Variants in FSIP1 observed in about 807,000 individuals in gnomAD.
The protein encoded by FSIP1 is fibrous sheath interacting protein 1, also known as fibrous sheath-interacting protein 1.
A neutral mutation model predicts 60.9 loss-of-function variants in FSIP1; 65 were observed. The observed-to-expected ratio is 1.07, with a 90% CI of 0.87 to 1.31. The LOEUF is 1.31. FSIP1 is among the 40% of genes most tolerant of loss of function. The pLI, the probability that FSIP1 is intolerant of heterozygous loss-of-function variation, is 0.00. For missense variants in FSIP1, 675 were observed against 665.5 expected, an observed-to-expected ratio of 1.01 and a Z score of -0.16; for synonymous variants, 209 against 221.2, an observed-to-expected ratio of 0.94 and a Z score of 0.49.
chr15:39,763,782 A>T, intron 5 of FSIP1, 39 bp downstream of exon 5: 1 of 1,009,938 alleles, frequency 9.9e-7, no homozygotes, highest in Non-Finnish European at 1.6e-6. Flanking sequence ...TCCATGACTC[A>T]GATAAAAACA....
At chr15:39,752,075 T>C (rs1431263543) in intron 5 of FSIP1, among the ~76,000 whole-genome samples, 1 of 152,034 alleles carries the variant, frequency 6.6e-6, no homozygotes, top group East Asian at 1.9e-4. Flanking sequence ...AAAGTCATCA[T>C]CATTTTCTAA....
intron 9 of FSIP1, among the ~76,000 whole-genome samples, chr15:39,720,505 A>C (rs1022010174): frequency 7.9e-5 from 12 of 152,198 alleles, no homozygotes; most frequent in African/African-American, 2.7e-4. Context: ...AACCAGAAAA[A>C]AAATCTAACG....
chr15:39,668,228 G>C, intron 10 of FSIP1, among the ~76,000 whole-genome samples: 1 of 146,976 alleles, frequency 6.8e-6, no homozygotes, highest in Non-Finnish European at 1.5e-5. Context: ...AACCTGGCCC[G>C]TAATAAGCAT....
chr15:39,698,219 T>C (rs560005288), intron 10 of FSIP1, among the ~76,000 whole-genome samples: 1 of 149,578 alleles, frequency 6.7e-6, no homozygotes, highest in South Asian at 2.1e-4. Context: ...CAATTAATAA[T>C]GTTTATATTA....
intron 9 of FSIP1, 60 bp downstream of exon 9, chr15:39,726,529 A>C (rs1056346425): frequency 6.3e-7 from 1 of 1,576,242 alleles, no homozygotes; most frequent in Non-Finnish European, 8.7e-7. Flanking sequence ...CCAGATTGTA[A>C]AATTATGTGA....
At chr15:39,704,897 A>G (rs926032093) in intron 10 of FSIP1, among the ~76,000 whole-genome samples, 3 of 152,242 alleles carry the variant, frequency 2.0e-5, no homozygotes, top group African/African-American at 7.2e-5. Context: ...CAGGGCTTAG[A>G]GTGCTAAACA....
chr15:39,737,704 T>C (rs536461237), intron 8 of FSIP1, among the ~76,000 whole-genome samples: 369 of 152,326 alleles, frequency 2.4e-3, no homozygotes, highest in Admixed American at 5.6e-3. Context: ...CAGAGGTACA[T>C]GTGCAGGTTT....
intron 8 of FSIP1, among the ~76,000 whole-genome samples, chr15:39,733,150 C>G (rs1896473781): frequency 6.6e-6 from 1 of 152,146 alleles, no homozygotes; most frequent in African/African-American, 2.4e-5. Context: ...CCTGCCTCAG[C>G]CTGCCAAGTA....
chr15:39,650,873 C>T (rs1204722612), intron 10 of FSIP1, among the ~76,000 whole-genome samples: 1 of 152,182 alleles, frequency 6.6e-6, no homozygotes, highest in Non-Finnish European at 1.5e-5. Flanking sequence ...GATTTTCCTC[C>T]TTCGAATAAA....
intron 10 of FSIP1, among the ~76,000 whole-genome samples, chr15:39,711,676 CT>C (rs66840718): frequency 8.5e-4 from 73 of 85,740 alleles, no homozygotes; most frequent in East Asian, 6.2e-3. Context: ...ATTCCTACTT[CT>C]TTTTTTTTTT....
chr15:39,760,144 T>C (rs1897445110), intron 5 of FSIP1, among the ~76,000 whole-genome samples: 1 of 152,158 alleles, frequency 6.6e-6, no homozygotes, highest in Non-Finnish European at 1.5e-5. Flanking sequence ...TGATGGCACA[T>C]CCATCTAATG....
At chr15:39,681,356 G>A (rs1894154992) in intron 10 of FSIP1, among the ~76,000 whole-genome samples, 2 of 151,690 alleles carry the variant, frequency 1.3e-5, no homozygotes, top group South Asian at 4.2e-4. Flanking sequence ...TACATTATAT[G>A]TTTTTATAAG....
chr15:39,608,978 G>A (rs1445111439), intron 11 of FSIP1, among the ~76,000 whole-genome samples: 1 of 152,096 alleles, frequency 6.6e-6, no homozygotes, highest in East Asian at 1.9e-4. Context: ...ACCACACACA[G>A]AAGATTCCCC....
At chr15:39,674,713 T>C (rs1313084373) in intron 10 of FSIP1, among the ~76,000 whole-genome samples, 1 of 152,220 alleles carries the variant, frequency 6.6e-6, no homozygotes, top group African/African-American at 2.4e-5. Flanking sequence ...ACTTAAAATA[T>C]CAGAAGCATA....
At chr15:39,778,185 C>T (rs138876954) in intron 1 of FSIP1, among the ~76,000 whole-genome samples, 26 of 152,264 alleles carry the variant, frequency 1.7e-4, no homozygotes, top group Admixed American at 6.5e-4. Context: ...AACCAAAAAG[C>T]ATAAGTCACC....
At chr15:39,730,355 T>G (rs1896357185) in intron 8 of FSIP1, among the ~76,000 whole-genome samples, 1 of 152,148 alleles carries the variant, frequency 6.6e-6, no homozygotes, top group Admixed American at 6.5e-5. Flanking sequence ...ATATCTACAG[T>G]GGTTCAAACC....
At chr15:39,700,975 G>A (rs931372678) in intron 10 of FSIP1, among the ~76,000 whole-genome samples, 2 of 152,166 alleles carry the variant, frequency 1.3e-5, no homozygotes, top group African/African-American at 4.8e-5. Flanking sequence ...AACATAGTGA[G>A]ACCTCACCTC....
At chr15:39,653,263 G>A (rs918054755) in intron 10 of FSIP1, among the ~76,000 whole-genome samples, 5 of 151,878 alleles carry the variant, frequency 3.3e-5, no homozygotes, top group Middle Eastern at 3.5e-3. Flanking sequence ...TGCTCTGGGT[G>A]AGTGGTGAGT....
intron 5 of FSIP1, among the ~76,000 whole-genome samples, chr15:39,757,802 C>T (rs1220420919): frequency 6.6e-6 from 1 of 152,102 alleles, no homozygotes; most frequent in South Asian, 2.1e-4. Context: ...CTAATTAAGA[C>T]AGTCAGTAGC....
Sources: gnomAD v4.1 joint callset for allele counts (sites outside exome capture counted in the v4.1 genomes callset) on GRCh38, gnomAD v4.1.1 for gene constraint, MANE v1.5 for transcripts, NCBI Gene and HGNC (gene_info 2026-07-23, HGNC 2026-07-21) for gene names.